The following RILPL1 variants were observed in gnomAD, a reference collection of about 807,000 sequenced individuals.
The protein encoded by RILPL1 is Rab interacting lysosomal protein like 1.
In RILPL1, 33 loss-of-function variants were observed where a neutral mutation model predicts 50.3. The observed-to-expected ratio is 0.66, with a 90% CI of 0.50 to 0.88. The LOEUF is 0.88. Ranked by LOEUF, RILPL1 falls within the 40% of genes least tolerant of loss-of-function variation. The pLI, the probability that RILPL1 is intolerant of heterozygous loss-of-function variation, is 0.00. For synonymous variants in RILPL1, 205 were observed against 228.6 expected, an observed-to-expected ratio of 0.90 and a Z score of 0.93; for missense variants, 418 against 542.5, an observed-to-expected ratio of 0.77 and a Z score of 2.28.
Position 123,523,608 on chromosome 12 carries a change from G to A in RILPL1, c.347C>T (p.Ala116Val). Residue 116 changes from alanine to valine, a missense_variant, in exon 2 of 7, where the codon GCG becomes GTG. Coordinates refer to ENST00000376874, the MANE Select transcript of RILPL1 (RefSeq NM_178314.5). ...GGCGATCTGGGAGAGGAGGTCCTGCGCCTCCCCTCGCCACACATCCTCCAC... is the reference window on the plus strand; with the variant it reads ...GGCGATCTGGGAGAGGAGGTCCTGCACCTCCCCTCGCCACACATCCTCCAC... Reference protein sequence around the residue: ...ELVEDVWRGEAQDLLSQIAQL... With the variant: ...ELVEDVWRGEVQDLLSQIAQL... 4.3e-6 allele frequency: 7 copies of A among 1,613,736 alleles called. No individual in the cohort carries two copies. The highest frequency in any genetic ancestry group is 1.1e-5 in the South Asian group (1 of 91,068).
chr12:123,512,495 T>A (rs1279776632), intron 2 of RILPL1, among the ~76,000 whole-genome samples: 2 of 132,434 alleles, frequency 1.5e-5, no homozygotes, highest in African/African-American at 5.8e-5. Context: ...TCTGTGTGTG[T>A]GTGGTGTGAG....
At chr12:123,524,740 G>A (rs1412938653) in intron 1 of RILPL1, among the ~76,000 whole-genome samples, 2 of 152,226 alleles carry the variant, frequency 1.3e-5, no homozygotes, top group Non-Finnish European at 2.9e-5. Context: ...GAGATAGGAA[G>A]CAGACGGGTG....
intron 6 of RILPL1, chr12:123,472,885 T>C: frequency 1.7e-6 from 1 of 572,352 alleles, no homozygotes. Context: ...ACACGGTACC[T>C]TGGAGGTCAC....
At chr12:123,509,310 C>T (rs1028547589) in intron 2 of RILPL1, among the ~76,000 whole-genome samples, 11 of 152,116 alleles carry the variant, frequency 7.2e-5, no homozygotes, top group Non-Finnish European at 1.3e-4. Context: ...ACGCCTACAA[C>T]GCCTGCACTT....
At chr12:123,499,670 T>A (rs1883248973) in intron 2 of RILPL1, 134 bp from the exon 3 acceptor site, 1 of 680,042 alleles carries the variant, frequency 1.5e-6, no homozygotes, top group East Asian at 2.7e-5. Flanking sequence ...CTCTCCACTC[T>A]CCACTCACGC....
intron 6 of RILPL1, among the ~76,000 whole-genome samples, chr12:123,478,291 G>A (rs1423105957): frequency 9.2e-5 from 14 of 151,874 alleles, no homozygotes; most frequent in Admixed American, 7.9e-4. Context: ...ATGAACCACC[G>A]CGCCTGGCCC....
Position 123,533,405 on chromosome 12 carries a change from G to T in RILPL1, c.78C>A (p.Asp26Glu). 1.3e-6 allele frequency: 2 copies of T among 1,548,750 alleles called. No homozygotes were observed. The stretch of plus-strand genomic sequence containing the variant: ...CCACAAGCGACGCGATGTCGTACAC[G>T]TCCATGACGGTCAGCTCGGCCACGT... ...EKNVAELTVMDVYDIASLVGH... is the reference protein window; with the variant it reads ...EKNVAELTVMEVYDIASLVGH... Residue 26 changes from aspartate to glutamate, a missense_variant, in exon 1 of 7, where the codon GAC becomes GAA. Physicochemically the swap from Asp to Glu is conservative, Grantham distance 45. Coordinates refer to ENST00000376874, the MANE Select transcript of RILPL1 (RefSeq NM_178314.5). The surrounding 1 kb of genome is among the most constrained non-coding windows in gnomAD (Gnocchi z 6.2).
chr12:123,512,061 G>GT (rs1884323338), intron 2 of RILPL1, among the ~76,000 whole-genome samples: 5 of 123,238 alleles, frequency 4.1e-5, no homozygotes, highest in Non-Finnish European at 8.5e-5. Flanking sequence ...GTCTGTGTGT[G>GT]GTGTGTGAGG....
Position 123,485,125 on chromosome 12 carries a change from T to C in RILPL1, c.974+508A>G. On this transcript the variant is annotated intron_variant, in intron 5 of 6. Coordinates refer to ENST00000376874, the MANE Select transcript of RILPL1 (RefSeq NM_178314.5). The surrounding 1 kb of genome is among the most constrained non-coding windows in gnomAD (Gnocchi z 4.0). ...ATTCAACAGATATTTGTTGTGCACC[T>C]ACTGTGTGCCAAGCTCCATTCTAAG... is the stretch of plus-strand genomic sequence containing the variant. 1 of 456,180 alleles carries C rather than the reference T, an allele frequency of 2.2e-6. No homozygotes were observed. Among genetic ancestry groups the C allele is most frequent in the Non-Finnish European group, 4.4e-6 (1 of 226,892 alleles). The allele number at this position is 456,180 out of a possible 1,614,324, so 28.3% of individuals were successfully genotyped here.
At chr12:123,500,876 G>T (rs997452306) in intron 2 of RILPL1, among the ~76,000 whole-genome samples, 3 of 151,184 alleles carry the variant, frequency 2.0e-5, no homozygotes, top group African/African-American at 7.3e-5. Flanking sequence ...AGGCTGAGGC[G>T]GTTGGATCAC....
chr12:123,476,983 G>C (rs950740445), intron 6 of RILPL1, among the ~76,000 whole-genome samples: 8 of 152,208 alleles, frequency 5.3e-5, no homozygotes, highest in Non-Finnish European at 1.0e-4. Flanking sequence ...GCGATGAGCT[G>C]CAGGCGCCAT....
chr12:123,510,809 AGTGT>A (rs1263903465), intron 2 of RILPL1, among the ~76,000 whole-genome samples: 14 of 67,218 alleles, frequency 2.1e-4, no homozygotes, highest in African/African-American at 7.9e-4. Context: ...GTGTGTGTGT[AGTGT>A]GTGAGGTCTG....
At position 123,512,332 on chromosome 12, in the gene RILPL1, G is replaced by C. The variant is rs577996763; in HGVS notation, c.460+11163C>G. On this transcript the variant is annotated intron_variant, in intron 2 of 6. Transcript: ENST00000376874. ...TGTGTGGTGTCAATGTGAGGTCTCT[G>C]TGTGGTGTGTGAGGTCTGTATGTGT... 3.9e-3 allele frequency among the ~76,000 whole-genome samples: 488 copies of C among 124,648 alleles called. 7 individuals are homozygous for C. The highest frequency in any genetic ancestry group is 0.014 in the African/African-American group (450 of 31,636). 81.8% of individuals were successfully genotyped at this position (124,648 alleles called of 152,430 possible). A position where few individuals can be genotyped will look rare whatever the true frequency, so the allele number is the denominator to read the frequency against.
Position 123,498,845 on chromosome 12 carries a change from C to T in RILPL1, c.580-80G>A, listed in dbSNP as rs1883194128. The T allele has an allele frequency of 4.1e-5, 53 of 1,280,606 alleles. No individual in the cohort carries two copies. The highest frequency in any genetic ancestry group is 5.9e-5 in the Non-Finnish European group (53 of 891,346). The allele number at this position is 1,280,606 out of a possible 1,614,324, so 79.3% of individuals were successfully genotyped here. A position where few individuals can be genotyped will look rare whatever the true frequency, so the allele number is the denominator to read the frequency against. On this transcript the variant is annotated intron_variant, in intron 3 of 6. Transcript: ENST00000376874. The surrounding 1 kb of genome is among the most constrained non-coding windows in gnomAD (Gnocchi z 4.3). ...GTACACTGCACAACGGCAAACCATC[C>T]ATAGGTGTGCCATTTACATTGCAGA...
chr12:123,509,813 C>A (rs1351961432), intron 2 of RILPL1, among the ~76,000 whole-genome samples: 1 of 152,218 alleles, frequency 6.6e-6, no homozygotes, highest in African/African-American at 2.4e-5. Flanking sequence ...TGCACTCACA[C>A]AGGTTACAGA....
In RILPL1 at chr12:123,533,041, TC is replaced by T; in HGVS notation, c.309+132del. 2.1e-6 allele frequency: 2 copies of T among 973,220 alleles called. No individual in the cohort carries two copies. Among genetic ancestry groups the T allele is most frequent in the Non-Finnish European group, 2.9e-6 (2 of 680,882 alleles). 60.3% of individuals were successfully genotyped at this position (973,220 alleles called of 1,614,324 possible). A position where few individuals can be genotyped will look rare whatever the true frequency, so the allele number is the denominator to read the frequency against. On this transcript the variant is annotated intron_variant, in intron 1 of 6. Coordinates refer to ENST00000376874, the MANE Select transcript of RILPL1 (RefSeq NM_178314.5). This position sits in a 1 kb window ranked among gnomAD's most constrained non-coding sequence, Gnocchi z 6.2. ...AAAAGAAGGCCAGGGCCTCCCTCCC[TC>T]CCCACGTCGGGTCTCCTCTGGTCCG...
At chr12:123,492,904 GGCCACAGGGACTTCTGCCTAGGAAA>G (rs1882790865) in intron 4 of RILPL1, among the ~76,000 whole-genome samples, 2 of 152,182 alleles carry the variant, frequency 1.3e-5, no homozygotes, top group South Asian at 4.1e-4. Context: ...CACTGCGGAA[GGCCACAGGGACTTCTGCCTAGGAAA>G]GCCACGTATT....
At chr12:123,528,900 G>A (rs947679741) in intron 1 of RILPL1, among the ~76,000 whole-genome samples, 5 of 152,038 alleles carry the variant, frequency 3.3e-5, no homozygotes, top group African/African-American at 1.2e-4. Context: ...TGGTTCTCCG[G>A]AGAAGTCAGC....
At chr12:123,506,192 G>A (rs1312444481) in intron 2 of RILPL1, among the ~76,000 whole-genome samples, 2 of 152,224 alleles carry the variant, frequency 1.3e-5, no homozygotes, top group East Asian at 1.9e-4. Flanking sequence ...CAGAGGAAAG[G>A]AGGCCTGGTG....
Sources: allele counts gnomAD v4.1 joint callset (sites outside exome capture counted in the v4.1 genomes callset), GRCh38; gene constraint gnomAD v4.1.1; non-coding constraint Gnocchi (gnomAD v3.1); transcripts MANE v1.5; gene names NCBI Gene and HGNC (gene_info 2026-07-23, HGNC 2026-07-21).